CRPPA: variants seen among roughly 807,000 people sequenced by gnomAD.
CRPPA encodes the protein CDP-L-ribitol pyrophosphorylase A, also known as D-ribitol-5-phosphate cytidylyltransferase.
Under a neutral mutation model 52.0 loss-of-function variants are expected in CRPPA, and 43 were observed. The ratio of observed to expected loss-of-function variants is 0.83; its 90% CI spans 0.65 to 1.07. The LOEUF (loss-of-function observed/expected upper bound fraction) is 1.07, where lower values mean the gene tolerates loss of function less well. CRPPA is among the 50% of genes least tolerant of loss of function. The pLI is 0.00. For missense variants in CRPPA, 629 were observed against 551.7 expected (o/e 1.14, Z -1.40); for synonymous variants, 250 against 203.5 (o/e 1.23, Z -1.94).
intron 9 of CRPPA, among the ~76,000 whole-genome samples, chr7:16,104,571 G>A (rs539640310): frequency 1.0e-3 from 158 of 152,286 alleles, no homozygotes; most frequent in Non-Finnish European, 1.5e-3. Context: ...TGTGTCAGAA[G>A]AGTTCATGTG....
chr7:16,357,180 T>C (rs1163669442), intron 3 of CRPPA, among the ~76,000 whole-genome samples: 1 of 151,726 alleles, frequency 6.6e-6, no homozygotes, highest in Non-Finnish European at 1.5e-5. Context: ...TATTTATTTA[T>C]TTATTTATTT....
chr7:16,346,309 G>GA (rs1415324672), intron 3 of CRPPA, among the ~76,000 whole-genome samples: 1 of 152,018 alleles, frequency 6.6e-6, no homozygotes, highest in African/African-American at 2.4e-5. Context: ...AAGAATATTA[G>GA]AAAAGAAATA....
intron 5 of CRPPA, among the ~76,000 whole-genome samples, chr7:16,279,288 T>C (rs1002856205): frequency 2.6e-5 from 4 of 152,102 alleles, no homozygotes; most frequent in Non-Finnish European, 5.9e-5. Flanking sequence ...TTATTGAAAA[T>C]AATACCACCA....
At chr7:16,207,914 A>C (rs1294712278) in intron 9 of CRPPA, among the ~76,000 whole-genome samples, 1 of 152,234 alleles carries the variant, frequency 6.6e-6, no homozygotes, top group African/African-American at 2.4e-5. Flanking sequence ...GAAGACTACC[A>C]GTAGGATTCC....
chr7:16,214,935 C>T (rs1782264096), intron 9 of CRPPA, among the ~76,000 whole-genome samples: 1 of 152,208 alleles, frequency 6.6e-6, no homozygotes, highest in African/African-American at 2.4e-5. Flanking sequence ...ACAGCATTAA[C>T]ATTTTGCAAT....
At chr7:16,338,579 G>A (rs1195961615) in intron 3 of CRPPA, among the ~76,000 whole-genome samples, 1 of 151,986 alleles carries the variant, frequency 6.6e-6, no homozygotes, top group Non-Finnish European at 1.5e-5. Flanking sequence ...TGGAAGAAAG[G>A]GCATAACTGC....
At chr7:16,371,481 CA>C (rs1039276222) in intron 3 of CRPPA, among the ~76,000 whole-genome samples, 3 of 151,528 alleles carry the variant, frequency 2.0e-5, no homozygotes, top group Non-Finnish European at 4.4e-5. Context: ...CACCAAAAAT[CA>C]AATTAGGCTG....
At chr7:16,093,224 G>T (rs1781870948) in intron 9 of CRPPA, among the ~76,000 whole-genome samples, 1 of 152,056 alleles carries the variant, frequency 6.6e-6, no homozygotes, top group African/African-American at 2.4e-5. Context: ...ACACATGGTA[G>T]CACTCCATAA....
chr7:16,304,692 T>C (rs1167980533), intron 4 of CRPPA, among the ~76,000 whole-genome samples: 1 of 152,090 alleles, frequency 6.6e-6, no homozygotes, highest in African/African-American at 2.4e-5. Flanking sequence ...CCTCCTAGGA[T>C]TTCTGGTGGC....
At chr7:16,331,816 A>C (rs1321864884) in intron 3 of CRPPA, among the ~76,000 whole-genome samples, 1 of 152,216 alleles carries the variant, frequency 6.6e-6, no homozygotes, top group Non-Finnish European at 1.5e-5. Flanking sequence ...AAAGATAATG[A>C]AGACCAAAAA....
intron 4 of CRPPA, among the ~76,000 whole-genome samples, chr7:16,303,520 A>ACTAT (rs1784840318): frequency 6.8e-6 from 1 of 146,024 alleles, no homozygotes; most frequent in Non-Finnish European, 1.5e-5. Context: ...GAACACAGCC[A>ACTAT]GTTGGCCACT....
In CRPPA at chr7:16,286,097, A is replaced by AAAAAAAAATATATATATATAT; in HGVS notation, c.836-7872_836-7871insATATATATATATATTTTTTTT. 1.8e-4 allele frequency among the ~76,000 whole-genome samples: 7 copies of AAAAAAAAATATATATATATAT among 39,116 alleles called. 1 individual carries two copies. Among genetic ancestry groups the AAAAAAAAATATATATATATAT allele is most frequent in the Non-Finnish European group, 2.0e-4 (5 of 24,646 alleles). The allele number at this position is 39,116 out of a possible 152,430, so 25.7% of individuals were successfully genotyped here. A position where few individuals can be genotyped will look rare whatever the true frequency, so the allele number is the denominator to read the frequency against. On this transcript the variant is annotated intron_variant, in intron 5 of 9. Coordinates refer to ENST00000407010, the MANE Select transcript of CRPPA (RefSeq NM_001101426.4). ...TATATATATAATATTTAAAAAAAAA[A>AAAAAAAAATATATATATATAT]ATATATATATATATATATATGCCAA...
At chr7:16,365,184 C>G (rs1431919018) in intron 3 of CRPPA, among the ~76,000 whole-genome samples, 1 of 152,176 alleles carries the variant, frequency 6.6e-6, no homozygotes, top group Non-Finnish European at 1.5e-5. Flanking sequence ...GTCATAGGAT[C>G]TGGCTTCTCC....
intron 9 of CRPPA, among the ~76,000 whole-genome samples, chr7:16,093,514 T>C (rs1781879114): frequency 6.6e-6 from 1 of 152,156 alleles, no homozygotes; most frequent in African/African-American, 2.4e-5. Flanking sequence ...ATTTCCTTGA[T>C]TGTGTTCTGA....
At chr7:16,345,826 C>T (rs1429331018) in intron 3 of CRPPA, among the ~76,000 whole-genome samples, 1 of 152,122 alleles carries the variant, frequency 6.6e-6, no homozygotes. Context: ...GTATAGAAAT[C>T]TGCTGCTACA....
chr7:16,291,352 T>C (rs1784560728), intron 5 of CRPPA, among the ~76,000 whole-genome samples: 1 of 151,908 alleles, frequency 6.6e-6, no homozygotes, highest in Non-Finnish European at 1.5e-5. Context: ...CATCTATCAA[T>C]GGATGAATGA....
chr7:16,107,428 G>A (rs1017905145), intron 9 of CRPPA, among the ~76,000 whole-genome samples: 1 of 152,024 alleles, frequency 6.6e-6, no homozygotes, highest in African/African-American at 2.4e-5. Context: ...AGATTTCTCA[G>A]CAGAAACCTT....
chr7:16,311,967 C>T (rs768323955), intron 3 of CRPPA, among the ~76,000 whole-genome samples: 1 of 152,034 alleles, frequency 6.6e-6, no homozygotes, highest in South Asian at 2.1e-4. Context: ...TTATTTCATT[C>T]CATAGATCCA....
intron 8 of CRPPA, among the ~76,000 whole-genome samples, chr7:16,242,236 G>C (rs771388921): frequency 6.6e-6 from 1 of 152,006 alleles, no homozygotes; most frequent in Non-Finnish European, 1.5e-5. Flanking sequence ...TTACAGGCTT[G>C]AGACACCGCG....
Sources: allele counts gnomAD v4.1 joint callset (sites outside exome capture counted in the v4.1 genomes callset), GRCh38; gene constraint gnomAD v4.1.1; transcripts MANE v1.5; gene names NCBI Gene and HGNC (gene_info 2026-07-23, HGNC 2026-07-21).